GON4L: variants seen among roughly 807,000 people sequenced by gnomAD.
GON4L encodes the protein gon-4 like, also known as GON-4-like protein.
A neutral mutation model predicts 211.8 loss-of-function variants in GON4L; 87 were observed. The observed-to-expected ratio is 0.41, with a 90% CI of 0.35 to 0.49. The LOEUF is 0.49. Ranked by LOEUF, GON4L falls within the 20% of genes least tolerant of loss-of-function variation. The probability of loss-of-function intolerance (pLI) is 0.15; values close to 1 mark genes in which losing one functional copy is unlikely to be tolerated. For synonymous variants in GON4L, 875 were observed against 962.6 expected, an observed-to-expected ratio of 0.91 and a Z score of 1.68; for missense variants, 2,155 against 2,659.5, an observed-to-expected ratio of 0.81 and a Z score of 4.17.
At chr1:155,789,851 A>C (rs925584081) in intron 12 of GON4L, among the ~76,000 whole-genome samples, 4 of 151,798 alleles carry the variant, frequency 2.6e-5, no homozygotes, top group African/African-American at 9.7e-5. Flanking sequence ...ATTTGCATAT[A>C]ATCTACACAC....
At chr1:155,745,679 G>C (rs1557811206), downstream of GON4L, 5 of 710,406 alleles carry the variant, frequency 7.0e-6, no homozygotes, top group Non-Finnish European at 1.2e-5. Context: ...GGTAGGAAAG[G>C]ATCGGCGCAT....
At chr1:155,811,181 A>G (rs1187960982) in intron 10 of GON4L, among the ~76,000 whole-genome samples, 1 of 151,882 alleles carries the variant, frequency 6.6e-6, no homozygotes, top group Non-Finnish European at 1.5e-5. Context: ...TCATGAGGTC[A>G]GGAGATCAAG....
chr1:155,775,952 T>C (rs1216966518), intron 16 of GON4L, among the ~76,000 whole-genome samples: 1 of 152,126 alleles, frequency 6.6e-6, no homozygotes, highest in Non-Finnish European at 1.5e-5. Flanking sequence ...ATCTGGTTAA[T>C]TTTTGTATTT....
intron 14 of GON4L, among the ~76,000 whole-genome samples, chr1:155,780,792 C>T (rs1664343788): frequency 2.6e-5 from 4 of 152,182 alleles, no homozygotes; most frequent in Admixed American, 2.6e-4. Flanking sequence ...CCTATGCAAT[C>T]AGGATAAGAC....
intron 1 of GON4L, among the ~76,000 whole-genome samples, chr1:155,855,240 G>C (rs1004540205): frequency 6.6e-6 from 1 of 152,050 alleles, no homozygotes; most frequent in African/African-American, 2.4e-5. Flanking sequence ...CTCTTTTACG[G>C]TACTTATCAG....
chr1:155,851,267 T>C (rs867859582), intron 2 of GON4L, among the ~76,000 whole-genome samples: 1 of 150,982 alleles, frequency 6.6e-6, no homozygotes, highest in Admixed American at 6.6e-5. Context: ...GGCAGGAGAA[T>C]GGCATGAACC....
chr1:155,753,983 G>A (rs945791671), intron 28 of GON4L: 1 of 306,066 alleles, frequency 3.3e-6, no homozygotes, highest in Non-Finnish European at 6.3e-6. Flanking sequence ...ATTTTAAATG[G>A]CCCCGAATAG....
At chr1:155,764,079 AGTGATAGCTGACATTCG>A (rs1440349477) in intron 21 of GON4L, among the ~76,000 whole-genome samples, 2 of 151,982 alleles carry the variant, frequency 1.3e-5, no homozygotes, top group Admixed American at 1.3e-4. Context: ...AAGAAATCCC[AGTGATAGCTGACATTCG>A]GCCTGACAGC....
chr1:155,775,782 TTTTA>T (rs1462218352), intron 16 of GON4L, among the ~76,000 whole-genome samples: 4 of 152,082 alleles, frequency 2.6e-5, no homozygotes, highest in Non-Finnish European at 4.4e-5. Flanking sequence ...ATTACTTTTA[TTTTA>T]TTTATTTATT....
Position 155,765,431 on chromosome 1 carries a change from T to A in GON4L, c.4042A>T (p.Ile1348Phe). The A allele has an allele frequency of 6.2e-7, 1 of 1,614,196 alleles. No individual in the cohort carries two copies. The highest frequency in any genetic ancestry group is 8.5e-7 in the Non-Finnish European group (1 of 1,180,034). ...AATTCCACAGCATGTTCCACTTTGA[T>A]GTCATCACAAATATCACGCTCAGGG... Reference protein sequence around the residue: ...GSPERDICDDIKVEHAVELDT... With the variant: ...GSPERDICDDFKVEHAVELDT... The change falls in exon 21 of 32, where the codon ATC becomes TTC. Residue 1348 changes from isoleucine to phenylalanine, a missense_variant. Ile to Phe is a conservative substitution (Grantham distance 21). Coordinates refer to ENST00000368331, the MANE Select transcript of GON4L (RefSeq NM_001282860.2).
At chr1:155,848,034 T>C (rs1456592241) in intron 2 of GON4L, among the ~76,000 whole-genome samples, 1 of 152,150 alleles carries the variant, frequency 6.6e-6, no homozygotes, top group East Asian at 1.9e-4. Flanking sequence ...CCCTGCCCCT[T>C]TTCTAGAAAA....
At chr1:155,829,019 T>C (rs1001437800) in intron 2 of GON4L, among the ~76,000 whole-genome samples, 1 of 152,092 alleles carries the variant, frequency 6.6e-6, no homozygotes, top group African/African-American at 2.4e-5. Context: ...CTAGTTTGTG[T>C]ATTACTTAGT....
At chr1:155,793,132 T>C (rs537552980) in intron 12 of GON4L, among the ~76,000 whole-genome samples, 29 of 152,302 alleles carry the variant, frequency 1.9e-4, no homozygotes, top group African/African-American at 7.0e-4. Flanking sequence ...TGTACCTTCC[T>C]AGATTCTCCT....
chr1:155,778,276 C>T (rs1002320789), intron 14 of GON4L, among the ~76,000 whole-genome samples: 7 of 151,920 alleles, frequency 4.6e-5, no homozygotes, highest in African/African-American at 1.7e-4. Context: ...TTTTGAGACA[C>T]AGTCTCGCTC....
intron 2 of GON4L, among the ~76,000 whole-genome samples, chr1:155,839,074 T>C (rs1036040579): frequency 7.2e-5 from 11 of 152,106 alleles, no homozygotes; most frequent in Admixed American, 2.6e-4. Flanking sequence ...GTGTTTTTAT[T>C]GAGAAAAAGA....
At chr1:155,790,456 G>A (rs765633594) in intron 12 of GON4L, among the ~76,000 whole-genome samples, 4 of 148,406 alleles carry the variant, frequency 2.7e-5, no homozygotes, top group East Asian at 2.0e-4. Flanking sequence ...TCGCCCAGCC[G>A]ATCTCAAACT....
At chr1:155,789,994 AGTGGT>A (rs1346014603) in intron 12 of GON4L, among the ~76,000 whole-genome samples, 2 of 151,820 alleles carry the variant, frequency 1.3e-5, no homozygotes, top group Non-Finnish European at 2.9e-5. Context: ...GTGCAGTGGT[AGTGGT>A]ATGATCACAG....
intron 3 of GON4L, among the ~76,000 whole-genome samples, chr1:155,823,842 G>A (rs537626296): frequency 4.0e-5 from 6 of 151,350 alleles, no homozygotes; most frequent in South Asian, 4.2e-4. Flanking sequence ...GCAGTGAGCC[G>A]AGATCACACC....
rs607834 is a variant in GON4L at position 155,763,466 on chromosome 1, T to G, written c.4572A>C (p.Pro1524=). 228 of 1,546,598 alleles carry G rather than the reference T, an allele frequency of 1.5e-4. No individual in the cohort carries two copies. The highest frequency in any genetic ancestry group is 2.2e-4 in the Admixed American group (11 of 51,028). Residue 1524 remains proline, a synonymous_variant, in exon 22 of 32, where the codon CCA becomes CCC. Coordinates refer to ENST00000368331, the MANE Select transcript of GON4L (RefSeq NM_001282860.2). ...CTGCTTCTTCTTCCTCCTCTTCTTC[T>G]GGCTCAGAGTTCTCCTCCTGAGAAT... ...EENSQEENSE[P]EEEEEEEAEG...
Sources: allele counts gnomAD v4.1 joint callset (sites outside exome capture counted in the v4.1 genomes callset), GRCh38; gene constraint gnomAD v4.1.1; transcripts MANE v1.5; gene names NCBI Gene and HGNC (gene_info 2026-07-23, HGNC 2026-07-21).